Variants in FILIP1L observed in about 807,000 individuals in gnomAD.
FILIP1L encodes the protein filamin A interacting protein 1 like, also known as filamin A-interacting protein 1-like.
A neutral mutation model predicts 96.6 loss-of-function variants in FILIP1L; 55 were observed. That is an observed-to-expected ratio of 0.57 (90% CI 0.46 to 0.71). The LOEUF is 0.71. Ranked by LOEUF, FILIP1L falls within the 30% of genes least tolerant of loss-of-function variation. The pLI is 0.00. For missense variants in FILIP1L, 1,304 were observed against 1,321.2 expected (o/e 0.99, Z 0.20); for synonymous variants, 467 against 473.9 (o/e 0.99, Z 0.19).
intron 1 of FILIP1L, among the ~76,000 whole-genome samples, chr3:100,077,768 A>C (rs969883025): frequency 1.3e-5 from 2 of 152,082 alleles, no homozygotes; most frequent in Admixed American, 1.3e-4. Context: ...AAATTAGCCA[A>C]GCATGGCTGT....
At chr3:99,921,773 A>T (rs1156899595) in intron 4 of FILIP1L, among the ~76,000 whole-genome samples, 1 of 152,228 alleles carries the variant, frequency 6.6e-6, no homozygotes, top group African/African-American at 2.4e-5. Flanking sequence ...TTCATTTTAT[A>T]TATTTCAAAA....
intron 1 of FILIP1L, among the ~76,000 whole-genome samples, chr3:100,035,320 C>G (rs962178565): frequency 6.6e-6 from 1 of 152,180 alleles, no homozygotes; most frequent in Non-Finnish European, 1.5e-5. Context: ...GTCACCCAGG[C>G]TGGAGTTCAA....
chr3:100,029,051 A>G (rs1031386552), intron 1 of FILIP1L, among the ~76,000 whole-genome samples: 4 of 152,076 alleles, frequency 2.6e-5, no homozygotes, highest in African/African-American at 9.7e-5. Context: ...TGAGCCTGGA[A>G]TGGTGGTGCA....
chr3:99,904,103 A>G (rs533675537), intron 4 of FILIP1L, among the ~76,000 whole-genome samples: 3 of 152,258 alleles, frequency 2.0e-5, no homozygotes, highest in South Asian at 4.1e-4. Context: ...AAGCTGCCCA[A>G]TTTTCAGACA....
At chr3:99,894,712 G>A (rs1706193387) in intron 4 of FILIP1L, among the ~76,000 whole-genome samples, 1 of 152,134 alleles carries the variant, frequency 6.6e-6, no homozygotes, top group Non-Finnish European at 1.5e-5. Flanking sequence ...TCCCAGACTA[G>A]CACAAGGAAG....
At chr3:99,953,211 CATTT>C (rs1708227880) in intron 1 of FILIP1L, among the ~76,000 whole-genome samples, 1 of 152,078 alleles carries the variant, frequency 6.6e-6, no homozygotes, top group Admixed American at 6.5e-5. Flanking sequence ...TGTCAACAAT[CATTT>C]ATTTATATTG....
chr3:99,872,912 C>T (rs1350573709), intron 4 of FILIP1L, among the ~76,000 whole-genome samples: 1 of 151,448 alleles, frequency 6.6e-6, no homozygotes, highest in Non-Finnish European at 1.5e-5. Flanking sequence ...AGGAGAATCT[C>T]AAGTCTTTTT....
chr3:100,090,729 C>T (rs2066089591), intron 1 of FILIP1L, among the ~76,000 whole-genome samples: 1 of 152,134 alleles, frequency 6.6e-6, no homozygotes, highest in Non-Finnish European at 1.5e-5. Context: ...CTCAGGAAAA[C>T]CTCTCCATCA....
intron 1 of FILIP1L, among the ~76,000 whole-genome samples, chr3:99,957,632 G>A (rs1708360221): frequency 7.1e-6 from 1 of 141,794 alleles, no homozygotes; most frequent in South Asian, 2.4e-4. Context: ...TCAGCCGTCA[G>A]ACTGGAAATT....
chr3:99,987,752 TTGAAA>T (rs1388309105), intron 1 of FILIP1L, among the ~76,000 whole-genome samples: 1 of 152,192 alleles, frequency 6.6e-6, no homozygotes, highest in African/African-American at 2.4e-5. Flanking sequence ...TGAAACTTTT[TTGAAA>T]TTCCATTTTA....
chr3:99,924,584 TCTCGA>T (rs1381926293), intron 3 of FILIP1L, among the ~76,000 whole-genome samples, 176 bp from the exon 4 acceptor site: 2 of 152,216 alleles, frequency 1.3e-5, no homozygotes, highest in African/African-American at 4.8e-5. Flanking sequence ...AATGGCGCGA[TCTCGA>T]CTCACTGCAA....
At chr3:99,954,671 C>A (rs541605644) in intron 1 of FILIP1L, among the ~76,000 whole-genome samples, 206 of 152,012 alleles carry the variant, frequency 1.4e-3, no homozygotes, top group Non-Finnish European at 1.8e-3. Context: ...ACTAAAAATA[C>A]AAAAATTAGC....
intron 4 of FILIP1L, among the ~76,000 whole-genome samples, chr3:99,878,443 A>G (rs1177517293): frequency 1.3e-5 from 2 of 152,386 alleles, no homozygotes. Context: ...CAATGTTTAC[A>G]TATATAGCCT....
chr3:99,985,022 G>A (rs184271309), intron 1 of FILIP1L, among the ~76,000 whole-genome samples: 8 of 152,318 alleles, frequency 5.3e-5, no homozygotes, highest in African/African-American at 1.2e-4. Flanking sequence ...AGGGGTTGCC[G>A]TGAGGAAGGT....
intron 1 of FILIP1L, among the ~76,000 whole-genome samples, chr3:100,088,884 AATGTTTGTTTTTTGTT>A (rs1332680166): frequency 2.0e-5 from 3 of 151,810 alleles, no homozygotes; most frequent in South Asian, 2.1e-4. Flanking sequence ...TTGTGATGTA[AATGTTTGTTTTTTGTT>A]ATGTTTATTT....
intron 1 of FILIP1L, among the ~76,000 whole-genome samples, chr3:99,982,984 G>A (rs1201200509): frequency 6.6e-6 from 1 of 152,042 alleles, no homozygotes; most frequent in African/African-American, 2.4e-5. Context: ...TGTCTTTGAG[G>A]TGCCCACATA....
At chr3:99,933,713 A>G (rs1559694286) in intron 1 of FILIP1L, among the ~76,000 whole-genome samples, 1 of 152,178 alleles carries the variant, frequency 6.6e-6, no homozygotes, top group Non-Finnish European at 1.5e-5. Context: ...TTCACAGATT[A>G]ATTATAGGGC....
In FILIP1L at chr3:99,849,852, A is replaced by T; in HGVS notation, c.1824T>A (p.Asn608Lys). The stretch of plus-strand genomic sequence containing the variant: ...CTGTTGTGGATTTCCCAGAGTCTTG[A>T]TTTAATTTGTTTTTTAGGAAATCTT... ...IEKDFLKNKL[N>K]QDSGKSTTAL... The change falls in exon 5 of 6, where the codon AAT (asparagine) becomes AAA (lysine). Residue 608 changes from asparagine to lysine, a missense_variant. Transcript: ENST00000477258. 1.2e-6 allele frequency: 2 copies of T among 1,610,688 alleles called. No homozygotes were observed. The highest frequency in any genetic ancestry group is 1.7e-6 in the Non-Finnish European group (2 of 1,179,380).
chr3:100,089,679 A>G (rs2066070532), intron 1 of FILIP1L, among the ~76,000 whole-genome samples: 1 of 152,244 alleles, frequency 6.6e-6, no homozygotes. Flanking sequence ...GTGAAAAGGT[A>G]GTATAATATA....
Sources: allele counts gnomAD v4.1 joint callset (sites outside exome capture counted in the v4.1 genomes callset), GRCh38; gene constraint gnomAD v4.1.1; transcripts MANE v1.5; gene names NCBI Gene and HGNC (gene_info 2026-07-23, HGNC 2026-07-21).